The following NRXN3 variants were observed in gnomAD, a reference collection of about 807,000 sequenced individuals.
NRXN3 encodes neurexin 3.
Under a neutral mutation model 137.6 loss-of-function variants are expected in NRXN3, and 32 were observed. The observed-to-expected ratio is 0.23, with a 90% confidence interval of 0.18 to 0.31. The LOEUF (loss-of-function observed/expected upper bound fraction) is 0.31, where lower values mean the gene tolerates loss of function less well. Among genes scored for constraint, NRXN3 ranks in the 10% least tolerant of loss-of-function variants. The pLI is 1.00. For missense variants in NRXN3, 1,574 were observed against 2,062.5 expected, an observed-to-expected ratio of 0.76 and a Z score of 4.59; for synonymous variants, 798 against 784.5, an observed-to-expected ratio of 1.02 and a Z score of -0.29.
chr14:79,056,782 G>A (rs2152624727), intron 15 of NRXN3, among the ~76,000 whole-genome samples: 1 of 152,322 alleles, frequency 6.6e-6, no homozygotes, highest in Admixed American at 6.5e-5. Context: ...AAGTGAGATG[G>A]ACAAGGCATA....
At chr14:79,615,813 T>C (rs2098147991) in intron 16 of NRXN3, among the ~76,000 whole-genome samples, 1 of 152,248 alleles carries the variant, frequency 6.6e-6, no homozygotes, top group South Asian at 2.1e-4. Flanking sequence ...ACGTGGGGAT[T>C]ATGGGAACTA....
At chr14:78,765,522 C>A (rs1288940848) in intron 8 of NRXN3, among the ~76,000 whole-genome samples, 2 of 152,066 alleles carry the variant, frequency 1.3e-5, no homozygotes, top group African/African-American at 4.8e-5. Context: ...CTTTCACAGG[C>A]AGACTTCATA....
intron 16 of NRXN3, among the ~76,000 whole-genome samples, chr14:79,560,470 C>T (rs1189794990): frequency 2.2e-5 from 3 of 135,190 alleles, no homozygotes; most frequent in Admixed American, 1.6e-4. Flanking sequence ...TGGACAGTAG[C>T]AATAACTTAA....
intron 19 of NRXN3, among the ~76,000 whole-genome samples, chr14:79,707,368 G>A (rs1176618768): frequency 2.6e-5 from 4 of 152,174 alleles, no homozygotes; most frequent in Non-Finnish European, 4.4e-5. Context: ...AGCCTGGTAC[G>A]GAGGAAAGTG....
chr14:78,816,811 A>G (rs979513410), intron 10 of NRXN3, among the ~76,000 whole-genome samples: 13 of 152,226 alleles, frequency 8.5e-5, no homozygotes, highest in Non-Finnish European at 1.8e-4. Flanking sequence ...CTTGTAACAC[A>G]CATCATATTA....
intron 15 of NRXN3, among the ~76,000 whole-genome samples, chr14:79,361,996 AATT>A (rs3036671): frequency 0.019 from 2,724 of 142,086 alleles, 38 homozygotes; most frequent in East Asian, 0.052. Context: ...CTACTTTTAT[AATT>A]ATTATTATTA....
chr14:79,555,854 T>G (rs1254570844), intron 16 of NRXN3, among the ~76,000 whole-genome samples: 1 of 152,178 alleles, frequency 6.6e-6, no homozygotes, highest in African/African-American at 2.4e-5. Flanking sequence ...GACCATAATT[T>G]CTGAGTTTAT....
At chr14:79,765,879 T>C (rs958004172) in intron 19 of NRXN3, among the ~76,000 whole-genome samples, 1 of 152,194 alleles carries the variant, frequency 6.6e-6, no homozygotes, top group African/African-American at 2.4e-5. Context: ...TTTTGTAAAC[T>C]TCAAGTATGT....
At position 78,940,156 on chromosome 14, in the gene NRXN3, C is replaced by T. The variant is rs1035133907; in HGVS notation, c.2276-17086C>T. 5.9e-5 allele frequency among the ~76,000 whole-genome samples: 9 copies of T among 152,304 alleles called. No homozygotes were observed. In the South Asian group the frequency reaches 8.3e-4, roughly 14 times the overall value. The stretch of plus-strand genomic sequence containing the variant: ...AAATGCCCTCCACTACCCTACGACA[C>T]GGAAGTACTCGACATTTGCTGAACT... On this transcript the variant is annotated intron_variant, in intron 10 of 20. Coordinates refer to ENST00000335750, the MANE Select transcript of NRXN3 (RefSeq NM_001330195.2).
intron 19 of NRXN3, among the ~76,000 whole-genome samples, chr14:79,754,354 A>G (rs1031186959): frequency 1.7e-4 from 25 of 151,356 alleles, no homozygotes; most frequent in Non-Finnish European, 4.4e-5. Flanking sequence ...AAAAACATAA[A>G]TAAATAAAGT....
intron 19 of NRXN3, among the ~76,000 whole-genome samples, chr14:79,762,285 G>C (rs1212018768): frequency 6.6e-6 from 1 of 151,654 alleles, no homozygotes; most frequent in Non-Finnish European, 1.5e-5. Flanking sequence ...TCCAATAAGT[G>C]ATTGAATTAG....
At chr14:78,413,532 G>A (rs2092956296) in intron 4 of NRXN3, among the ~76,000 whole-genome samples, 2 of 152,066 alleles carry the variant, frequency 1.3e-5, no homozygotes, top group Non-Finnish European at 2.9e-5. Context: ...TGGTCCGGCC[G>A]AGGCCTCCCA....
chr14:79,752,232 T>TGATC (rs201690241), intron 19 of NRXN3, among the ~76,000 whole-genome samples: 1 of 151,404 alleles, frequency 6.6e-6, no homozygotes, highest in Non-Finnish European at 1.5e-5. Flanking sequence ...AGCTATTGAT[T>TGATC]ATTGCCACAA....
At chr14:79,577,100 G>A (rs1394731374) in intron 16 of NRXN3, among the ~76,000 whole-genome samples, 1 of 152,004 alleles carries the variant, frequency 6.6e-6, no homozygotes, top group Non-Finnish European at 1.5e-5. Context: ...TTATAAATGG[G>A]GGTTCCCCTG....
At chr14:79,753,366 T>C (rs140634566) in intron 19 of NRXN3, among the ~76,000 whole-genome samples, 2,715 of 152,042 alleles carry the variant, frequency 0.018, 76 homozygotes, top group African/African-American at 0.063. Context: ...GTGGCACATA[T>C]ATACCATGGA....
intron 8 of NRXN3, among the ~76,000 whole-genome samples, chr14:78,727,960 C>A (rs2098494205): frequency 6.6e-6 from 1 of 152,064 alleles, no homozygotes; most frequent in Non-Finnish European, 1.5e-5. Flanking sequence ...CTGGGCAGGG[C>A]CTTAAAAAAT....
intron 10 of NRXN3, among the ~76,000 whole-genome samples, chr14:78,847,850 A>G (rs1309559561): frequency 3.3e-5 from 5 of 152,080 alleles, no homozygotes; most frequent in Non-Finnish European, 7.4e-5. Flanking sequence ...GCACATCTAT[A>G]TACACTTTTT....
At chr14:79,142,592 A>G (rs1380778041) in intron 15 of NRXN3, among the ~76,000 whole-genome samples, 1 of 152,202 alleles carries the variant, frequency 6.6e-6, no homozygotes, top group Non-Finnish European at 1.5e-5. Context: ...AGTGGCATGC[A>G]TGCCAGGTTA....
chr14:78,308,092 T>TG (rs1427677153), intron 4 of NRXN3, among the ~76,000 whole-genome samples: 2 of 134,058 alleles, frequency 1.5e-5, no homozygotes, highest in Non-Finnish European at 3.3e-5. Flanking sequence ...AACATTTTCT[T>TG]GTTTTTTTTT....
Sources: gnomAD v4.1 joint callset for allele counts (sites outside exome capture counted in the v4.1 genomes callset) on GRCh38, gnomAD v4.1.1 for gene constraint, MANE v1.5 for transcripts, NCBI Gene and HGNC (gene_info 2026-07-23, HGNC 2026-07-21) for gene names.